ATP6V0A4: variants seen among roughly 807,000 people sequenced by gnomAD.
The protein encoded by ATP6V0A4 is ATPase H+ transporting V0 subunit a4.
A neutral mutation model predicts 107.3 loss-of-function variants in ATP6V0A4; 86 were observed. That is an observed-to-expected ratio of 0.80 (90% CI 0.67 to 0.96). ATP6V0A4 has a LOEUF of 0.96. Among genes scored for constraint, ATP6V0A4 ranks in the 40% least tolerant of loss-of-function variants. The pLI is 0.00. For synonymous variants in ATP6V0A4, 353 were observed against 381.4 expected (o/e 0.93, Z 0.87); for missense variants, 908 against 1,045.6 (o/e 0.87, Z 1.81).
Position 138,755,747 on chromosome 7 carries a change from G to A in ATP6V0A4, c.758C>T (p.Ala253Val), listed in dbSNP as rs753832938. 16 of 1,613,558 alleles carry A rather than the reference G, an allele frequency of 9.9e-6. 1 individual carries two copies. The highest frequency in any genetic ancestry group is 7.7e-5 in the South Asian group (7 of 91,084). Residue 253 changes from alanine to valine, a missense_variant, in exon 10 of 22, where the codon GCG becomes GTG. Physicochemically the swap from Ala to Val is moderately conservative, Grantham distance 64. Transcript: ENST00000310018. ...CTCCAACATCTCTCTGCGCTCCACCGCAGGCTCTGGGCAAGGGTAGACAGT... is the reference window on the plus strand; with the variant it reads ...CTCCAACATCTCTCTGCGCTCCACCACAGGCTCTGGGCAAGGGTAGACAGT... ...RATVYPCPEP[A>V]VERREMLESV...
At chr7:138,752,576 G>A in intron 11 of ATP6V0A4, 49 bp downstream of exon 11, 1 of 1,605,786 alleles carries the variant, frequency 6.2e-7, no homozygotes, top group Non-Finnish European at 8.5e-7. Context: ...TGAGAGCCCA[G>A]CAGAGGGGCT....
intron 18 of ATP6V0A4, among the ~76,000 whole-genome samples, chr7:138,722,389 G>A (rs908494363): frequency 7.9e-5 from 12 of 151,980 alleles, no homozygotes; most frequent in Non-Finnish European, 1.3e-4. Flanking sequence ...GCCCAGCTGC[G>A]TGTGGTGACT....
intron 17 of ATP6V0A4, among the ~76,000 whole-genome samples, chr7:138,730,361 TGTGTGTGTGTGTGTGTG>T: frequency 1.4e-5 from 2 of 143,390 alleles, no homozygotes; most frequent in African/African-American, 5.9e-5. Context: ...TGTGTGTGTG[TGTGTGTGTGTGTGTGTG>T]TGTGTGTGGC....
intron 14 of ATP6V0A4, 111 bp downstream of exon 14, chr7:138,745,012 T>G: frequency 9.6e-7 from 1 of 1,042,980 alleles, no homozygotes; most frequent in Admixed American, 1.8e-5. Flanking sequence ...CTATTTGAAT[T>G]TTCAAGTGCA....
intron 12 of ATP6V0A4, among the ~76,000 whole-genome samples, chr7:138,748,514 C>T (rs1458772064): frequency 6.6e-6 from 1 of 152,168 alleles, no homozygotes; most frequent in African/African-American, 2.4e-5. Context: ...TCAAGCGATT[C>T]TCCTGCCTCT....
chr7:138,747,442 G>C lies in ATP6V0A4; in HGVS notation c.1303C>G (p.Gln435Glu), dbSNP rs751082290. 1 of 1,614,118 alleles carries C rather than the reference G, an allele frequency of 6.2e-7. No homozygotes were observed. Among genetic ancestry groups the C allele is most frequent in the Non-Finnish European group, 8.5e-7 (1 of 1,180,020 alleles). Residue 435 changes from glutamine to glutamate, a missense_variant, in exon 13 of 22, where the codon CAG becomes GAG. Transcript: ENST00000310018. ...ACACTCACCTCATTGTCTGTCTTCT[G>C]GGAGAGCAAGCGTCTCTCATTCAGA... ...MILNERRLLS[Q>E]KTDNEIWNTF...
intron 7 of ATP6V0A4, chr7:138,760,079 T>C (rs1806726702): frequency 6.9e-6 from 2 of 290,422 alleles, no homozygotes; most frequent in Non-Finnish European, 1.0e-5. Context: ...CCTTTGACCT[T>C]CTGTTTTCTT....
intron 20 of ATP6V0A4, among the ~76,000 whole-genome samples, chr7:138,713,015 G>A (rs960794919): frequency 6.6e-6 from 1 of 152,156 alleles, no homozygotes; most frequent in African/African-American, 2.4e-5. Flanking sequence ...ATGCGGCCGG[G>A]CGCGGTGGCT....
intron 15 of ATP6V0A4, among the ~76,000 whole-genome samples, chr7:138,738,883 C>CA (rs1179953819): frequency 6.6e-6 from 1 of 152,168 alleles, no homozygotes; most frequent in African/African-American, 2.4e-5. Context: ...TCAGACTACT[C>CA]ACGCTCATTT....
chr7:138,772,547 G>C (rs1166729310), intron 2 of ATP6V0A4, among the ~76,000 whole-genome samples: 1 of 152,168 alleles, frequency 6.6e-6, no homozygotes, highest in Non-Finnish European at 1.5e-5. Context: ...TATTGACACT[G>C]CTGATTAAAG....
intron 10 of ATP6V0A4, among the ~76,000 whole-genome samples, chr7:138,753,478 A>C (rs931118112): frequency 3.3e-5 from 5 of 152,196 alleles, no homozygotes; most frequent in Non-Finnish European, 5.9e-5. Context: ...GTTTGCTGTA[A>C]TTTGTTACAG....
chr7:138,780,427 C>T (rs115942304), intron 2 of ATP6V0A4, among the ~76,000 whole-genome samples: 200 of 152,252 alleles, frequency 1.3e-3, no homozygotes, highest in African/African-American at 4.7e-3. Flanking sequence ...AGCTATGTGG[C>T]CCAGTTCCTA....
At chr7:138,787,744 T>A (rs1808233781) in intron 1 of ATP6V0A4, among the ~76,000 whole-genome samples, 1 of 152,090 alleles carries the variant, frequency 6.6e-6, no homozygotes. Flanking sequence ...ACACCTGTAA[T>A]CCCAGCATTT....
At chr7:138,770,001 T>G (rs1002887319) in intron 3 of ATP6V0A4, among the ~76,000 whole-genome samples, 2 of 152,050 alleles carry the variant, frequency 1.3e-5, no homozygotes, top group Admixed American at 1.3e-4. Context: ...CAATGAGCCG[T>G]GATTGTGCCA....
chr7:138,791,124 G>T (rs1051555073), intron 1 of ATP6V0A4, among the ~76,000 whole-genome samples: 3 of 151,818 alleles, frequency 2.0e-5, no homozygotes, highest in Non-Finnish European at 2.9e-5. Context: ...TGAAAAACAG[G>T]ACTGAATAGT....
chr7:138,712,430 A>C (rs1803792564), intron 20 of ATP6V0A4, among the ~76,000 whole-genome samples: 1 of 151,078 alleles, frequency 6.6e-6, no homozygotes, highest in African/African-American at 2.4e-5. Flanking sequence ...CCTGAGATTT[A>C]GAGGGTAAGT....
chr7:138,737,273 T>C (rs1805384840), intron 15 of ATP6V0A4, among the ~76,000 whole-genome samples: 1 of 151,252 alleles, frequency 6.6e-6, no homozygotes, highest in African/African-American at 2.4e-5. Context: ...GTTTCCTCCA[T>C]ACTGTTCTCA....
intron 13 of ATP6V0A4, 149 bp downstream of exon 13, chr7:138,747,276 G>T: frequency 9.7e-7 from 1 of 1,033,364 alleles, no homozygotes; most frequent in South Asian, 1.4e-5. Flanking sequence ...AATTACCTTT[G>T]GCCAGAAGTT....
chr7:138,739,530 A>T lies in ATP6V0A4; in HGVS notation c.1572+10T>A, dbSNP rs1805507304. ...CATAAGAAATATTTAACCCAAGAAG[A>T]CATTATTACCGGATCAATCCCAAAC... On this transcript the variant is annotated intron_variant, in intron 15 of 21. Transcript: ENST00000310018. 1.2e-6 allele frequency: 2 copies of T among 1,614,032 alleles called. No homozygotes were observed. The highest frequency in any genetic ancestry group is 4.5e-5 in the East Asian group (2 of 44,888).
Sources: allele counts gnomAD v4.1 joint callset (sites outside exome capture counted in the v4.1 genomes callset), GRCh38; gene constraint gnomAD v4.1.1; transcripts MANE v1.5; gene names NCBI Gene and HGNC (gene_info 2026-07-23, HGNC 2026-07-21).